MARCHF10: variants seen among roughly 807,000 people sequenced by gnomAD.
MARCHF10 encodes probable E3 ubiquitin-protein ligase MARCHF10.
A neutral mutation model predicts 76.2 loss-of-function variants in MARCHF10; 64 were observed. The observed-to-expected ratio is 0.84, with a 90% CI of 0.69 to 1.03. The LOEUF is 1.03. Among genes scored for constraint, MARCHF10 ranks in the 50% least tolerant of loss-of-function variants. MARCHF10 has a pLI of 0.00. For synonymous variants in MARCHF10, 340 were observed against 357.5 expected, an observed-to-expected ratio of 0.95 and a Z score of 0.55; for missense variants, 875 against 958.0, an observed-to-expected ratio of 0.91 and a Z score of 1.14.
intron 1 of MARCHF10, chr17:62,806,751 C>T (rs893070373): frequency 6.6e-6 from 1 of 152,214 alleles, no homozygotes; most frequent in African/African-American, 2.4e-5. Context: ...TGAATTCCAA[C>T]CAAGTTTTCC....
At position 62,711,976 on chromosome 17, in the gene MARCHF10, G is replaced by A. The variant is rs2089957506; in HGVS notation, c.2215-632C>T. 2.0e-5 allele frequency among the ~76,000 whole-genome samples: 3 copies of A among 152,088 alleles called. No homozygotes were observed. The highest frequency in any genetic ancestry group is 4.8e-5 in the African/African-American group (2 of 41,410). ...AGTGGGCTGTGCTTTTTTTCTCGCT[G>A]GTGCTCAGAACAGGCGCTACACAGG... On this transcript the variant is annotated intron_variant, in intron 8 of 10. Transcript: ENST00000311269. This position sits in a 1 kb window ranked among gnomAD's most constrained non-coding sequence, Gnocchi z 4.4.
intron 3 of MARCHF10, among the ~76,000 whole-genome samples, chr17:62,762,449 T>C (rs1162980852): frequency 6.6e-6 from 1 of 152,216 alleles, no homozygotes; most frequent in Non-Finnish European, 1.5e-5. Context: ...TAATGGACTT[T>C]TTTCCTGCTT....
rs1044127819 is a variant in MARCHF10 at position 62,801,675 on chromosome 17, T to C, written c.61A>G (p.Met21Val). The C allele has an allele frequency of 1.9e-6, 3 of 1,614,214 alleles. No homozygotes were observed. Among genetic ancestry groups the C allele is most frequent in the South Asian group, 1.1e-5 (1 of 91,080 alleles). ...FFSDVQYLRD[M>V]QHKVDSEYQA... is the part of the protein sequence containing the mutation. Reference sequence around the variant, plus strand: ...TACTCAGAGTCCACCTTATGCTGCATGTCCCGCAGATACTGAACATCGCTG... The same window carrying C: ...TACTCAGAGTCCACCTTATGCTGCACGTCCCGCAGATACTGAACATCGCTG... Residue 21 changes from methionine to valine, a missense_variant, in exon 2 of 11, where the codon ATG becomes GTG. Physicochemically the swap from Met to Val is conservative, Grantham distance 21. Transcript: ENST00000311269.
chr17:62,769,870 G>A (rs2092408890), intron 3 of MARCHF10, among the ~76,000 whole-genome samples: 1 of 152,158 alleles, frequency 6.6e-6, no homozygotes, highest in East Asian at 1.9e-4. Context: ...CAAAAATGGT[G>A]AGTGGCAGTT....
chr17:62,754,137 A>G (rs1178644939), intron 4 of MARCHF10, among the ~76,000 whole-genome samples: 14 of 152,100 alleles, frequency 9.2e-5, no homozygotes, highest in South Asian at 2.1e-4. Context: ...CAGTGACACA[A>G]TCTCGGCTCA....
rs768355511 is a variant in MARCHF10, at chr17:62,801,680, C to T, written c.56G>A (p.Arg19Gln). 8 of 1,613,998 alleles carry T rather than the reference C, an allele frequency of 5.0e-6. No homozygotes were observed. In the East Asian group the frequency reaches 1.1e-4, roughly 22 times the overall value. Residue 19 changes from arginine to glutamine, a missense_variant, in exon 2 of 11, where the codon CGG (arginine) becomes CAG (glutamine). Coordinates refer to ENST00000311269, the MANE Select transcript of MARCHF10 (RefSeq NM_152598.4). ...AGAGTCCACCTTATGCTGCATGTCCCGCAGATACTGAACATCGCTGAAGAA... is the reference window on the plus strand; with the variant it reads ...AGAGTCCACCTTATGCTGCATGTCCTGCAGATACTGAACATCGCTGAAGAA... Reference protein sequence around the residue: ...QKFFSDVQYLRDMQHKVDSEY... With the variant: ...QKFFSDVQYLQDMQHKVDSEY...
chr17:62,736,735 C>T lies in MARCHF10; in HGVS notation c.1133G>A (p.Gly378Glu). ...SAGQRLSQDPGLPDRESATEK... is the reference protein window; with the variant it reads ...SAGQRLSQDPELPDRESATEK... ...TGTAGCAGATTCCCTATCAGGCAGC[C>T]CGGGGTCTTGGGACAACCTTTGCCC... Residue 378 changes from glycine to glutamate, a missense_variant, in exon 6 of 11, where the codon GGG becomes GAG. Coordinates refer to ENST00000311269, the MANE Select transcript of MARCHF10 (RefSeq NM_152598.4). 6.2e-7 allele frequency: 1 copy of T among 1,614,188 alleles called. No homozygotes were observed. Among genetic ancestry groups the T allele is most frequent in the South Asian group, 1.1e-5 (1 of 91,084 alleles).
At chr17:62,791,088 A>C (rs2092834135) in intron 2 of MARCHF10, among the ~76,000 whole-genome samples, 1 of 152,248 alleles carries the variant, frequency 6.6e-6, no homozygotes, top group Non-Finnish European at 1.5e-5. Context: ...ACCAAAGAAC[A>C]CTAGGCAGTA....
intron 2 of MARCHF10, among the ~76,000 whole-genome samples, 154 bp downstream of exon 2, chr17:62,801,490 CAG>C (rs1002790916): frequency 2.4e-4 from 35 of 147,684 alleles, no homozygotes; most frequent in African/African-American, 8.8e-4. Flanking sequence ...GACGAGGATA[CAG>C]AGAGGTGAAG....
Position 62,806,023 on chromosome 17 carries a change from C to T in MARCHF10, c.-18+2054G>A, listed in dbSNP as rs74676478. Among the ~76,000 whole-genome samples, 170 of 152,242 alleles carry T rather than the reference C, an allele frequency of 1.1e-3. 1 individual carries two copies. Among genetic ancestry groups the T allele is most frequent in the South Asian group, 2.5e-3 (12 of 4,826 alleles). On this transcript the variant is annotated intron_variant, in intron 1 of 10. Coordinates refer to ENST00000311269, the MANE Select transcript of MARCHF10 (RefSeq NM_152598.4). ...TGTATTTTACAATATTTAGAAACAT[C>T]GTGGTGCCACATGTAATTTTTTATT...
At chr17:62,726,397 G>C (rs2090758967) in intron 6 of MARCHF10, among the ~76,000 whole-genome samples, 1 of 152,208 alleles carries the variant, frequency 6.6e-6, no homozygotes, top group African/African-American at 2.4e-5. Flanking sequence ...CCATGAAAGG[G>C]CAGCTCAGTG....
intron 3 of MARCHF10, among the ~76,000 whole-genome samples, chr17:62,767,336 T>C (rs2092355898): frequency 6.6e-6 from 1 of 152,038 alleles, no homozygotes. Flanking sequence ...TTTTCTTTAT[T>C]ACAAAAGAAA....
intron 3 of MARCHF10, among the ~76,000 whole-genome samples, chr17:62,769,226 T>C (rs74774225): frequency 0.028 from 4,325 of 152,284 alleles, 80 homozygotes; most frequent in East Asian, 0.059. Context: ...ACCAGATTTC[T>C]CCAATGTAAA....
At chr17:62,762,136 G>A (rs1047564547) in intron 3 of MARCHF10, among the ~76,000 whole-genome samples, 1 of 152,156 alleles carries the variant, frequency 6.6e-6, no homozygotes, top group African/African-American at 2.4e-5. Flanking sequence ...CTTGCCCCAG[G>A]CTGTGGTGAA....
At position 62,743,619 on chromosome 17, in the gene MARCHF10, G is replaced by A. The variant is rs550294025; in HGVS notation, c.535+757C>T. On this transcript the variant is annotated intron_variant, in intron 5 of 10. Coordinates refer to ENST00000311269, the MANE Select transcript of MARCHF10 (RefSeq NM_152598.4). Reference sequence around the variant, plus strand: ...GCTGGTGCCACTGCACTCCAGCCTGGGCAACAGAGGGAGACTCTACCTCAA... The same window carrying A: ...GCTGGTGCCACTGCACTCCAGCCTGAGCAACAGAGGGAGACTCTACCTCAA... 9.2e-5 allele frequency among the ~76,000 whole-genome samples: 14 copies of A among 152,128 alleles called. No individual in the cohort carries two copies. The East Asian group carries it at 2.7e-3, about 29-fold the overall frequency.
intron 1 of MARCHF10, among the ~76,000 whole-genome samples, chr17:62,805,938 TAATAAA>T (rs1455596814): frequency 4.6e-5 from 7 of 151,156 alleles, no homozygotes; most frequent in African/African-American, 1.7e-4. Context: ...AATAATAAAA[TAATAAA>T]AATAAAATTG....
chr17:62,720,832 T>C (rs1412185660), intron 8 of MARCHF10, among the ~76,000 whole-genome samples: 1 of 151,402 alleles, frequency 6.6e-6, no homozygotes, highest in African/African-American at 2.4e-5. Flanking sequence ...AGCTTTCTGC[T>C]CAGGAGTCTC....
chr17:62,793,171 TCCATCACTAC>T (rs2092901396), intron 2 of MARCHF10, among the ~76,000 whole-genome samples: 2 of 60,062 alleles, frequency 3.3e-5, no homozygotes, highest in South Asian at 6.5e-4. Flanking sequence ...CACCACCACC[TCCATCACTAC>T]CACCACCACC....
chr17:62,720,480 C>T (rs1357922041), intron 8 of MARCHF10, among the ~76,000 whole-genome samples: 1 of 152,166 alleles, frequency 6.6e-6, no homozygotes, highest in Non-Finnish European at 1.5e-5. Flanking sequence ...TGAGTATTTC[C>T]CTTCTTCCAG....
Sources: gnomAD v4.1 joint callset for allele counts (sites outside exome capture counted in the v4.1 genomes callset) on GRCh38, gnomAD v4.1.1 for gene constraint, Gnocchi (gnomAD v3.1) non-coding constraint, MANE v1.5 for transcripts, NCBI Gene and HGNC (gene_info 2026-07-23, HGNC 2026-07-21) for gene names.